Variants in FIG4 observed in about 807,000 individuals in gnomAD.
The protein encoded by FIG4 is FIG4 phosphoinositide 5-phosphatase, also known as polyphosphoinositide phosphatase.
A neutral mutation model predicts 118.6 loss-of-function variants in FIG4; 112 were observed. The ratio of observed to expected loss-of-function variants is 0.94; its 90% CI spans 0.81 to 1.11. FIG4 has a LOEUF of 1.11. FIG4 is among the 50% of genes least tolerant of loss of function. The pLI is 0.00. For synonymous variants in FIG4, 369 were observed against 381.2 expected (o/e 0.97, Z 0.37); for missense variants, 969 against 1,111.7 (o/e 0.87, Z 1.83).
intron 16 of FIG4, among the ~76,000 whole-genome samples, chr6:109,777,732 A>G (rs1403555616): frequency 1.3e-5 from 2 of 152,214 alleles, no homozygotes; most frequent in African/African-American, 2.4e-5. Flanking sequence ...AGTACAGGTT[A>G]TTTTGAGTAC....
chr6:109,764,020 G>C (rs1486666728), intron 13 of FIG4, 38 bp downstream of exon 13: 10 of 1,343,740 alleles, frequency 7.4e-6, no homozygotes, highest in Non-Finnish European at 1.1e-5. Flanking sequence ...AATAGAATCT[G>C]TATCCATTGT....
chr6:109,721,007 C>A (rs1409178084), intron 3 of FIG4, among the ~76,000 whole-genome samples: 1 of 152,168 alleles, frequency 6.6e-6, no homozygotes, highest in Non-Finnish European at 1.5e-5. Flanking sequence ...TGTTATCATC[C>A]CAGCTCCTTT....
chr6:109,769,981 G>T (rs1462887393), intron 15 of FIG4, among the ~76,000 whole-genome samples: 1 of 152,130 alleles, frequency 6.6e-6, no homozygotes, highest in African/African-American at 2.4e-5. Context: ...TTTTACCCTT[G>T]GTTTATGTGG....
chr6:109,825,121 C>T lies in FIG4; in HGVS notation c.2580C>T (p.Ile860=). Residue 860 remains isoleucine, a synonymous_variant, in exon 23 of 23, where the codon ATC becomes ATT. Transcript: ENST00000230124. ...TPISAFSQDN[I]YEVQPPRVDR... ...TCTCGGCTTTCTCGCAAGATAACAT[C>T]TATGAAGTTCAGCCCCCAAGAGTAG... The T allele has an allele frequency of 6.2e-7, 1 of 1,614,008 alleles. No individual in the cohort carries two copies. Among genetic ancestry groups the T allele is most frequent in the Non-Finnish European group, 8.5e-7 (1 of 1,179,886 alleles).
intron 22 of FIG4, among the ~76,000 whole-genome samples, chr6:109,822,781 GTGTATGTATATATATATATA>G (rs1779040928): frequency 1.8e-5 from 1 of 55,532 alleles, no homozygotes; most frequent in African/African-American, 7.1e-5. Context: ...ATGTGTGTGT[GTGTATGTATATATATATATA>G]TATATATATA....
intron 10 of FIG4, among the ~76,000 whole-genome samples, chr6:109,745,538 T>C (rs1776466931): frequency 6.6e-6 from 1 of 152,202 alleles, no homozygotes; most frequent in African/African-American, 2.4e-5. Context: ...TTCTGGATAG[T>C]AGCCCTTTGT....
chr6:109,695,306 C>G (rs1346115138), intron 1 of FIG4, among the ~76,000 whole-genome samples: 1 of 152,050 alleles, frequency 6.6e-6, no homozygotes. Flanking sequence ...TTTAAGGATT[C>G]TTTTTAAGAT....
chr6:109,694,595 A>C (rs1254844918), intron 1 of FIG4, among the ~76,000 whole-genome samples: 1 of 152,210 alleles, frequency 6.6e-6, no homozygotes, highest in East Asian at 1.9e-4. Flanking sequence ...ATGGGACTAT[A>C]TCAAGCTGAA....
intron 1 of FIG4, among the ~76,000 whole-genome samples, chr6:109,692,379 G>C (rs1471085730): frequency 2.0e-5 from 3 of 152,182 alleles, no homozygotes. Context: ...TTTATAAACT[G>C]TTTCTCTGAA....
intron 6 of FIG4, among the ~76,000 whole-genome samples, chr6:109,736,710 A>G (rs1035434063): frequency 1.3e-5 from 2 of 152,170 alleles, no homozygotes; most frequent in African/African-American, 2.4e-5. Flanking sequence ...ATAGATATGA[A>G]TAACAGGGTG....
Position 109,762,907 on chromosome 6 carries a change from G to T in FIG4, c.1388+700G>T, listed in dbSNP as rs1054450468. On this transcript the variant is annotated intron_variant, in intron 12 of 22. Transcript: ENST00000230124. The stretch of plus-strand genomic sequence containing the variant: ...TGTATTCTGGCTATAATTTATTATG[G>T]TGAAAGGATATAAAGTGACATTAAC... 2.2e-4 allele frequency among the ~76,000 whole-genome samples: 34 copies of T among 152,142 alleles called. 1 individual carries two copies. Among genetic ancestry groups the T allele is most frequent in the Non-Finnish European group, 4.4e-4 (30 of 68,034 alleles).
At position 109,763,981 on chromosome 6, in the gene FIG4, A is replaced by G; in HGVS notation, c.1433A>G (p.Gln478Arg). The G allele has an allele frequency of 6.3e-7, 1 of 1,592,178 alleles. No homozygotes were observed. Among genetic ancestry groups the G allele is most frequent in the Non-Finnish European group, 8.6e-7 (1 of 1,159,904 alleles). The change falls in exon 13 of 23, where the codon CAG becomes CGG. Residue 478 changes from glutamine to arginine, a missense_variant and splice_region_variant. Physicochemically the swap from Gln to Arg is conservative, Grantham distance 43 (BLOSUM62 1). Coordinates refer to ENST00000230124, the MANE Select transcript of FIG4 (RefSeq NM_014845.6). ...GGCVIPTGRLQTGILRTNCVD... is the reference protein window; with the variant it reads ...GGCVIPTGRLRTGILRTNCVD... The stretch of plus-strand genomic sequence containing the variant: ...TGTGTGATTCCCACTGGTCGCCTGC[A>G]GGTATACACAGTATTACAATTCGTA...
Position 109,735,200 on chromosome 6 carries a change from G to T in FIG4, c.548G>T (p.Arg183Leu). 6.2e-7 allele frequency: 1 copy of T among 1,612,710 alleles called. No individual in the cohort carries two copies. Among genetic ancestry groups the T allele is most frequent in the African/African-American group, 1.3e-5 (1 of 74,938 alleles). ...HSLQYNLTVLRMPLEMLKSEM... is the reference protein window; with the variant it reads ...HSLQYNLTVLLMPLEMLKSEM... Reference sequence around the variant, plus strand: ...CTTCAATATAATCTCACTGTCTTGCGAATGCCCCTGGAGATGTTAAAGTCA... The same window carrying T: ...CTTCAATATAATCTCACTGTCTTGCTAATGCCCCTGGAGATGTTAAAGTCA... Residue 183 changes from arginine (R) to leucine (L), a missense_variant, in exon 6 of 23, where the codon CGA (arginine) becomes CTA (leucine). Coordinates refer to ENST00000230124, the MANE Select transcript of FIG4 (RefSeq NM_014845.6).
intron 22 of FIG4, among the ~76,000 whole-genome samples, chr6:109,815,496 C>CT (rs58181285): frequency 0.43 from 45,905 of 105,966 alleles, 9,432 homozygotes; most frequent in East Asian, 0.74. Context: ...CTCCAGGCTG[C>CT]CCCCCCCACC....
At chr6:109,768,818 A>T (rs988946818) in intron 15 of FIG4, among the ~76,000 whole-genome samples, 2 of 152,150 alleles carry the variant, frequency 1.3e-5, no homozygotes, top group Non-Finnish European at 2.9e-5. Context: ...TCCATTTCCT[A>T]GGGCTGCTGT....
intron 11 of FIG4, 118 bp downstream of exon 11, chr6:109,760,501 G>A (rs1282167433): frequency 7.3e-6 from 7 of 954,126 alleles, no homozygotes; most frequent in Non-Finnish European, 1.2e-5. Context: ...TCATGAACCT[G>A]TTGAGGGGCT....
chr6:109,824,779 G>T (rs1410930035), intron 22 of FIG4, among the ~76,000 whole-genome samples: 2 of 152,198 alleles, frequency 1.3e-5, no homozygotes, highest in Admixed American at 6.5e-5. Flanking sequence ...AGCTAAAGTT[G>T]CTCCCAGTCA....
rs1775846393 is a variant in FIG4 at position 109,727,178 on chromosome 6, G to A, written c.359G>A (p.Gly120Glu). The A allele has an allele frequency of 6.2e-7, 1 of 1,609,814 alleles. No homozygotes were observed. The highest frequency in any genetic ancestry group is 1.1e-5 in the South Asian group (1 of 91,000). Residue 120 changes from glycine to glutamate, a missense_variant, in exon 4 of 23, where the codon GGA becomes GAA. Coordinates refer to ENST00000230124, the MANE Select transcript of FIG4 (RefSeq NM_014845.6). ...ITKRRKMADI[G>E]GHAIYKVEDT... Reference sequence around the variant, plus strand: ...AAAAGGAGGAAGATGGCGGATATTGGAGGTCATGCAATCTATAAGGTCGAA... The same window carrying A: ...AAAAGGAGGAAGATGGCGGATATTGAAGGTCATGCAATCTATAAGGTCGAA...
At chr6:109,738,961 T>A (rs1471943286) in intron 7 of FIG4, among the ~76,000 whole-genome samples, 3 of 152,120 alleles carry the variant, frequency 2.0e-5, no homozygotes, top group African/African-American at 7.2e-5. Context: ...GATTGGTATG[T>A]GGGAGTCAGA....
Sources: allele counts gnomAD v4.1 joint callset (sites outside exome capture counted in the v4.1 genomes callset), GRCh38; gene constraint gnomAD v4.1.1; transcripts MANE v1.5; gene names NCBI Gene and HGNC (gene_info 2026-07-23, HGNC 2026-07-21).